Variants in ARHGAP24 observed in about 807,000 individuals in gnomAD.
ARHGAP24 encodes Rho GTPase activating protein 24.
In ARHGAP24, 50 loss-of-function variants were observed where a neutral mutation model predicts 76.4. The ratio of observed to expected loss-of-function variants is 0.65; its 90% CI spans 0.52 to 0.83. ARHGAP24 has a LOEUF of 0.83. ARHGAP24 is among the 40% of genes least tolerant of loss of function. The pLI is 0.00. For synonymous variants in ARHGAP24, 345 were observed against 323.3 expected, an observed-to-expected ratio of 1.07 and a Z score of -0.72; for missense variants, 930 against 914.2, an observed-to-expected ratio of 1.02 and a Z score of -0.22.
At chr4:85,510,606 C>A (rs1305304423) in intron 1 of ARHGAP24, among the ~76,000 whole-genome samples, 1 of 148,218 alleles carries the variant, frequency 6.7e-6, no homozygotes, top group African/African-American at 2.5e-5. Flanking sequence ...CTTGTCTTCC[C>A]CGTCTTCCCC....
At chr4:85,943,830 G>A (rs958686987) in intron 5 of ARHGAP24, among the ~76,000 whole-genome samples, 14 of 151,648 alleles carry the variant, frequency 9.2e-5, no homozygotes, top group African/African-American at 2.9e-4. Context: ...TGGTGTATAT[G>A]TGCCACATTT....
intron 8 of ARHGAP24, among the ~76,000 whole-genome samples, chr4:85,989,589 A>G (rs972356472): frequency 6.6e-6 from 1 of 151,738 alleles, no homozygotes; most frequent in African/African-American, 2.4e-5. Context: ...ATAAGAAAAG[A>G]GAAATACAGA....
At chr4:85,722,385 CA>C (rs535753993) in intron 3 of ARHGAP24, 717 of 136,808 alleles carry the variant, frequency 5.2e-3, no homozygotes, top group South Asian at 0.02. Context: ...TTGCAAAAAA[CA>C]AAAAAAAAAA....
At chr4:85,950,666 CTTCTTTT>C (rs935234411) in intron 5 of ARHGAP24, among the ~76,000 whole-genome samples, 9 of 135,520 alleles carry the variant, frequency 6.6e-5, no homozygotes, top group African/African-American at 1.7e-4. Flanking sequence ...TTTTCTTTTT[CTTCTTTT>C]TTCTTTTTTC....
chr4:85,750,710 G>A (rs949262401), intron 3 of ARHGAP24, among the ~76,000 whole-genome samples: 1 of 151,844 alleles, frequency 6.6e-6, no homozygotes, highest in Non-Finnish European at 1.5e-5. Context: ...TGCCCAGGCT[G>A]GTCTTGAATT....
chr4:85,697,876 T>C (rs1723929325), intron 2 of ARHGAP24, among the ~76,000 whole-genome samples: 1 of 152,174 alleles, frequency 6.6e-6, no homozygotes, highest in South Asian at 2.1e-4. Context: ...AGAGAGTCAT[T>C]AAAATTAAAG....
At position 85,576,770 on chromosome 4, in the gene ARHGAP24, T is replaced by G. The variant is rs1294566535; in HGVS notation, c.180+6049T>G. Among the ~76,000 whole-genome samples the G allele has an allele frequency of 2.0e-5, 3 of 152,154 alleles. No homozygotes were observed. The East Asian group carries it at 5.8e-4, about 29-fold the overall frequency. On this transcript the variant is annotated intron_variant, in intron 2 of 9. Transcript: ENST00000395184. ...AAAATATTATTTTATTCCACTGTTATTTAAAATTTTATTGCTTTCCTCTAC... is the reference window on the plus strand; with the variant it reads ...AAAATATTATTTTATTCCACTGTTAGTTAAAATTTTATTGCTTTCCTCTAC...
intron 3 of ARHGAP24, among the ~76,000 whole-genome samples, chr4:85,755,251 A>C (rs1338446382): frequency 6.6e-6 from 1 of 152,126 alleles, no homozygotes; most frequent in African/African-American, 2.4e-5. Context: ...TTATGGGGAC[A>C]ATTCTCCCTT....
intron 3 of ARHGAP24, among the ~76,000 whole-genome samples, chr4:85,874,891 TA>T (rs1195423197): frequency 1.9e-5 from 2 of 107,274 alleles, no homozygotes; most frequent in Non-Finnish European, 3.4e-5. Flanking sequence ...TATATAAATA[TA>T]TTTTATATAA....
At chr4:85,979,929 G>A (rs1248456707) in intron 8 of ARHGAP24, among the ~76,000 whole-genome samples, 1 of 152,178 alleles carries the variant, frequency 6.6e-6, no homozygotes, top group Non-Finnish European at 1.5e-5. Context: ...GTCCTTCACT[G>A]AATCTCAAAT....
At chr4:85,731,845 A>G (rs910843159) in intron 3 of ARHGAP24, among the ~76,000 whole-genome samples, 5 of 152,214 alleles carry the variant, frequency 3.3e-5, no homozygotes, top group Admixed American at 6.5e-5. Flanking sequence ...TCACAACATC[A>G]CTAAGTACCC....
At chr4:85,931,304 G>C (rs1736318235) in intron 4 of ARHGAP24, among the ~76,000 whole-genome samples, 1 of 152,088 alleles carries the variant, frequency 6.6e-6, no homozygotes, top group Non-Finnish European at 1.5e-5. Context: ...ACTGACAGGG[G>C]ACTAAGTAAG....
At chr4:85,895,154 AG>A (rs1314226854) in intron 3 of ARHGAP24, among the ~76,000 whole-genome samples, 1 of 152,056 alleles carries the variant, frequency 6.6e-6, no homozygotes, top group African/African-American at 2.4e-5. Flanking sequence ...TCACCACTGA[AG>A]AACTTATCCA....
intron 3 of ARHGAP24, among the ~76,000 whole-genome samples, chr4:85,753,352 T>C (rs1301061699): frequency 6.6e-6 from 1 of 152,178 alleles, no homozygotes; most frequent in Non-Finnish European, 1.5e-5. Flanking sequence ...CTTAAGCCTA[T>C]AAAGAGGAGG....
intron 8 of ARHGAP24, among the ~76,000 whole-genome samples, chr4:85,978,096 T>C (rs1247941712): frequency 6.6e-6 from 1 of 152,262 alleles, no homozygotes; most frequent in Non-Finnish European, 1.5e-5. Context: ...AATGGTCTTT[T>C]ATAAGACAAT....
intron 8 of ARHGAP24, among the ~76,000 whole-genome samples, chr4:85,983,105 C>T (rs1739774142): frequency 6.6e-6 from 1 of 152,128 alleles, no homozygotes; most frequent in Non-Finnish European, 1.5e-5. Context: ...TGATCTCATT[C>T]CTTTTTATGG....
chr4:85,563,024 G>A (rs1726662250), intron 1 of ARHGAP24, among the ~76,000 whole-genome samples: 1 of 152,196 alleles, frequency 6.6e-6, no homozygotes, highest in African/African-American at 2.4e-5. Flanking sequence ...ATGCACTCAG[G>A]AGAAGGGAAG....
chr4:85,741,399 T>G (rs1725822311), intron 3 of ARHGAP24, among the ~76,000 whole-genome samples: 1 of 152,192 alleles, frequency 6.6e-6, no homozygotes, highest in African/African-American at 2.4e-5. Context: ...TAAACAGGGT[T>G]TTTGTTTTCA....
intron 3 of ARHGAP24, among the ~76,000 whole-genome samples, chr4:85,796,104 A>G (rs1224597316): frequency 6.6e-6 from 1 of 152,072 alleles, no homozygotes. Flanking sequence ...AGTTTTTGCC[A>G]TTAAAAGTAA....
Sources: allele counts gnomAD v4.1 joint callset (sites outside exome capture counted in the v4.1 genomes callset), GRCh38; gene constraint gnomAD v4.1.1; transcripts MANE v1.5; gene names NCBI Gene and HGNC (gene_info 2026-07-23, HGNC 2026-07-21).